The following CIMIP2B variants were observed in gnomAD, a reference collection of about 807,000 sequenced individuals.
The protein encoded by CIMIP2B is ciliary microtubule inner protein 2B, also known as family with sequence similarity 166 member B.
chr9:35,563,399 A>C, the CIMIP2B span: 3 of 1,594,340 alleles, frequency 1.9e-6, no homozygotes, highest in Non-Finnish European at 2.6e-6. Context: ...CCTGCAGCAC[A>C]GACTCTCCCA....
At chr9:35,562,635 C>T in the CIMIP2B span, 1 of 1,612,982 alleles carries the variant, frequency 6.2e-7, no homozygotes, top group Non-Finnish European at 8.5e-7. Flanking sequence ...TGATCCTGAC[C>T]CCCCAGCTCT....
At chr9:35,562,414 C>T in the CIMIP2B span, 5 of 1,527,004 alleles carry the variant, frequency 3.3e-6, no homozygotes, top group African/African-American at 1.4e-5. Flanking sequence ...GTAAAAGACC[C>T]AGGTTCTGAG....
At chr9:35,562,713 C>T in the CIMIP2B span, 1 of 1,613,568 alleles carries the variant, frequency 6.2e-7, no homozygotes, top group Non-Finnish European at 8.5e-7. Flanking sequence ...GTGAGAGAAG[C>T]CCCTGTGCTG....
chr9:35,563,342 T>C, the CIMIP2B span: 15 of 1,613,742 alleles, frequency 9.3e-6, no homozygotes, highest in Admixed American at 2.0e-4. Flanking sequence ...CACCTGCCCA[T>C]AGGTCTGGCC....
At chr9:35,561,976 G>A in the CIMIP2B span, 22 of 1,234,916 alleles carry the variant, frequency 1.8e-5, no homozygotes, top group Non-Finnish European at 2.4e-5. Context: ...GGGATAGGAT[G>A]AAAAGGGAAG....
the CIMIP2B span, chr9:35,562,329 CAT>C: frequency 1.7e-6 from 2 of 1,159,166 alleles, no homozygotes; most frequent in Non-Finnish European, 2.4e-6. Flanking sequence ...ACCCCATACC[CAT>C]ACAAACAAAC....
At chr9:35,562,243 C>CTGA in the CIMIP2B span, 190 of 1,048,170 alleles carry the variant, frequency 1.8e-4, 1 homozygote, top group South Asian at 2.4e-3. Context: ...CCTTTTCTGC[C>CTGA]TGATAATAAA....
the CIMIP2B span, chr9:35,563,791 G>T: frequency 6.2e-7 from 1 of 1,614,044 alleles, no homozygotes; most frequent in South Asian, 1.1e-5. Flanking sequence ...AGGGTTCTGA[G>T]GGTTGAGCCC....
At chr9:35,561,966 G>T in the CIMIP2B span, 2 of 919,278 alleles carry the variant, frequency 2.2e-6, no homozygotes, top group Non-Finnish European at 3.1e-6. Flanking sequence ...AAGGATGGCT[G>T]GGATAGGATG....
chr9:35,563,191 G>C, the CIMIP2B span: 5 of 1,613,912 alleles, frequency 3.1e-6, no homozygotes, highest in African/African-American at 2.7e-5. Context: ...TCATGCTGGA[G>C]CTGAGCCTTT....
chr9:35,561,914 C>A, the CIMIP2B span: 5 of 352,370 alleles, frequency 1.4e-5, no homozygotes, highest in African/African-American at 1.5e-4. Context: ...TCTTTGTGTT[C>A]CCCCACCCTC....
the CIMIP2B span, chr9:35,562,146 A>C: frequency 7.3e-7 from 1 of 1,378,802 alleles, no homozygotes; most frequent in African/African-American, 1.4e-5. Flanking sequence ...TGGCAAAGCC[A>C]TTTAATTCTC....
the CIMIP2B span, chr9:35,563,022 C>T: frequency 1.2e-6 from 2 of 1,614,028 alleles, no homozygotes; most frequent in Non-Finnish European, 1.7e-6. Context: ...CACTCAGAGC[C>T]TCGGCCCAGA....
At chr9:35,562,473 C>T in the CIMIP2B span, 7 of 1,583,980 alleles carry the variant, frequency 4.4e-6, no homozygotes, top group Non-Finnish European at 6.0e-6. Flanking sequence ...TGGGCACTGC[C>T]TGGTGAGTGC....
At chr9:35,562,404 G>A in the CIMIP2B span, 40 of 1,502,460 alleles carry the variant, frequency 2.7e-5, no homozygotes, top group Middle Eastern at 1.8e-4. Context: ...CCATAGTTAG[G>A]TAAAAGACCC....
the CIMIP2B span, chr9:35,563,428 C>T: frequency 1.4e-6 from 2 of 1,478,900 alleles, no homozygotes; most frequent in South Asian, 1.2e-5. Context: ...AATCGCCCTG[C>T]CCCGCCATCC....
the CIMIP2B span, chr9:35,562,497 C>T: frequency 8.2e-6 from 13 of 1,577,670 alleles, no homozygotes; most frequent in Non-Finnish European, 1.1e-5. Flanking sequence ...TGCCCAAATT[C>T]CTGCAGTGCC....
chr9:35,562,998 CAA>C, the CIMIP2B span: 1 of 1,614,000 alleles, frequency 6.2e-7, no homozygotes, highest in South Asian at 1.1e-5. Context: ...GCTTTTCATG[CAA>C]GTGAGTAAAG....
At chr9:35,562,285 C>CTAT in the CIMIP2B span, 1 of 1,136,372 alleles carries the variant, frequency 8.8e-7, no homozygotes, top group South Asian at 1.7e-5. Context: ...CCTCCCATAT[C>CTAT]TATTAGTTTC....
Sources: allele counts gnomAD v4.1 joint callset, GRCh38; gene constraint gnomAD v4.1.1; transcripts MANE v1.5; gene names NCBI Gene and HGNC (gene_info 2026-07-23, HGNC 2026-07-21).